Variants in DMXL2 observed in about 807,000 individuals in gnomAD.
The protein encoded by DMXL2 is Dmx like 2.
A neutral mutation model predicts 331.1 loss-of-function variants in DMXL2; 103 were observed. The ratio of observed to expected loss-of-function variants is 0.31; its 90% CI spans 0.27 to 0.37. DMXL2 has a LOEUF of 0.37. DMXL2 is among the 10% of genes least tolerant of loss of function. The pLI is 1.00. For missense variants in DMXL2, 3,171 were observed against 3,642.9 expected (o/e 0.87, Z 3.33); for synonymous variants, 1,281 against 1,252.1 (o/e 1.02, Z -0.49).
In DMXL2 at chr15:51,448,781, T is replaced by C. The variant is rs2038882566; in HGVS notation, c.*203A>G. 5 of 599,882 alleles carry C rather than the reference T, an allele frequency of 8.3e-6. No homozygotes were observed. Among genetic ancestry groups the C allele is most frequent in the Non-Finnish European group, 1.5e-5 (5 of 342,232 alleles). 37.2% of individuals were successfully genotyped at this position (599,882 alleles called of 1,614,324 possible). ...CTATCCTTCATACAATACTAGGTTT[T>C]ATTTTTTTTAGTATGTCAGCATAAT... On this transcript the variant is annotated 3_prime_UTR_variant, in exon 44 of 44. Coordinates refer to ENST00000560891, the MANE Select transcript of DMXL2 (RefSeq NM_001378457.1).
intron 1 of DMXL2, among the ~76,000 whole-genome samples, chr15:51,621,441 CAAG>C (rs1373590952): frequency 6.6e-6 from 1 of 152,270 alleles, no homozygotes; most frequent in African/African-American, 2.4e-5. Context: ...CCAGTTTTAT[CAAG>C]AAGAACAGTT....
chr15:51,530,117 T>C (rs892480135), intron 13 of DMXL2, among the ~76,000 whole-genome samples: 10 of 152,126 alleles, frequency 6.6e-5, no homozygotes, highest in Non-Finnish European at 1.5e-4. Flanking sequence ...TTCTATACCC[T>C]AGTATCATGC....
At chr15:51,508,254 C>T (rs1030401749) in intron 15 of DMXL2, among the ~76,000 whole-genome samples, 2 of 152,060 alleles carry the variant, frequency 1.3e-5, no homozygotes, top group African/African-American at 4.8e-5. Flanking sequence ...TGCAGCAAAC[C>T]ACCATGGCAC....
chr15:51,468,236 A>G (rs1280519721), intron 29 of DMXL2, among the ~76,000 whole-genome samples: 2 of 152,202 alleles, frequency 1.3e-5, no homozygotes, highest in African/African-American at 4.8e-5. Context: ...TCTCACAAAA[A>G]GGAACCAGGT....
chr15:51,516,942 C>G, intron 14 of DMXL2, 136 bp downstream of exon 14: 1 of 707,572 alleles, frequency 1.4e-6, no homozygotes, highest in Non-Finnish European at 2.4e-6. Flanking sequence ...TAGATTTTCA[C>G]TATGGGAATC....
At chr15:51,491,267 CCT>C (rs2042775097) in intron 20 of DMXL2, among the ~76,000 whole-genome samples, 1 of 152,088 alleles carries the variant, frequency 6.6e-6, no homozygotes, top group Non-Finnish European at 1.5e-5. Context: ...ATGGTGAAAC[CCT>C]GTCTCTACTA....
intron 1 of DMXL2, among the ~76,000 whole-genome samples, chr15:51,589,028 C>T (rs1595641022): frequency 6.6e-6 from 1 of 152,096 alleles, no homozygotes; most frequent in African/African-American, 2.4e-5. Flanking sequence ...GTGATGTTTC[C>T]CCTCCTCACA....
chr15:51,519,194 T>C (rs1411004527), intron 13 of DMXL2, among the ~76,000 whole-genome samples: 1 of 152,058 alleles, frequency 6.6e-6, no homozygotes, highest in African/African-American at 2.4e-5. Context: ...TCTTGCTCTA[T>C]TGGCCTCCAA....
At chr15:51,561,188 CAGAG>C (rs1437149141) in intron 6 of DMXL2, among the ~76,000 whole-genome samples, 2 of 152,036 alleles carry the variant, frequency 1.3e-5, no homozygotes, top group Admixed American at 1.3e-4. Context: ...AGAAAAGATT[CAGAG>C]AGAGAAAGAA....
rs184502890 is a variant in DMXL2, at chr15:51,594,446, C to A, written c.88-18265G>T. ...TAATAGCTTACCAACCAAAAAAATCCAGGACCAGATGGATTCACAGCCAAA... is the reference window on the plus strand; with the variant it reads ...TAATAGCTTACCAACCAAAAAAATCAAGGACCAGATGGATTCACAGCCAAA... On this transcript the variant is annotated intron_variant, in intron 1 of 43. Transcript: ENST00000560891. 1.5e-4 allele frequency among the ~76,000 whole-genome samples: 23 copies of A among 152,242 alleles called. 1 individual carries two copies. Among genetic ancestry groups the A allele is most frequent in the African/African-American group, 5.1e-4 (21 of 41,548 alleles).
chr15:51,619,677 T>C (rs1470349781), intron 1 of DMXL2, among the ~76,000 whole-genome samples: 1 of 152,206 alleles, frequency 6.6e-6, no homozygotes, highest in Non-Finnish European at 1.5e-5. Context: ...TGTATCAATT[T>C]TAGACTCTGA....
intron 7 of DMXL2, 128 bp downstream of exon 7, chr15:51,547,100 TGA>T: frequency 1.3e-6 from 1 of 783,066 alleles, no homozygotes; most frequent in East Asian, 3.0e-5. Flanking sequence ...TAGTAGGATT[TGA>T]TTTCAGGCAG....
At chr15:51,513,606 C>T (rs543819974) in intron 15 of DMXL2, among the ~76,000 whole-genome samples, 1 of 152,210 alleles carries the variant, frequency 6.6e-6, no homozygotes, top group Admixed American at 6.5e-5. Context: ...AAACAGTTTC[C>T]TTAGATGCTA....
chr15:51,551,568 C>T (rs1279241516), intron 6 of DMXL2, among the ~76,000 whole-genome samples: 1 of 151,950 alleles, frequency 6.6e-6, no homozygotes, highest in Admixed American at 6.5e-5. Context: ...CCACATTTCA[C>T]TCTAAGCAAA....
chr15:51,483,427 T>G (rs2042160993), intron 23 of DMXL2, among the ~76,000 whole-genome samples: 1 of 152,158 alleles, frequency 6.6e-6, no homozygotes, highest in African/African-American at 2.4e-5. Context: ...TGGCTATGAC[T>G]TTGGTCCTGC....
chr15:51,566,270 T>C (rs549059693), intron 3 of DMXL2, among the ~76,000 whole-genome samples: 10 of 130,386 alleles, frequency 7.7e-5, no homozygotes, highest in African/African-American at 2.8e-4. Flanking sequence ...TGTGTGTGTG[T>C]GTGTGTGTGC....
intron 1 of DMXL2, among the ~76,000 whole-genome samples, chr15:51,599,801 G>C (rs1269262477): frequency 2.0e-5 from 3 of 152,124 alleles, no homozygotes; most frequent in Non-Finnish European, 4.4e-5. Flanking sequence ...CCACGTTCAA[G>C]CGATTCTTCT....
chr15:51,567,546 C>T (rs1643989554), intron 3 of DMXL2: 1 of 152,006 alleles, frequency 6.6e-6, no homozygotes, highest in South Asian at 2.1e-4. Flanking sequence ...GAGCAAAGAC[C>T]TAAAGGATCT....
intron 15 of DMXL2, among the ~76,000 whole-genome samples, chr15:51,510,378 T>C (rs1177342364): frequency 1.3e-5 from 2 of 152,162 alleles, no homozygotes; most frequent in Non-Finnish European, 2.9e-5. Flanking sequence ...ACAAAATCAA[T>C]GTGCAACAAT....
Sources: allele counts gnomAD v4.1 joint callset (sites outside exome capture counted in the v4.1 genomes callset), GRCh38; gene constraint gnomAD v4.1.1; transcripts MANE v1.5; gene names NCBI Gene and HGNC (gene_info 2026-07-23, HGNC 2026-07-21).